The following TLN2 variants were observed in gnomAD, a reference collection of about 807,000 sequenced individuals.
The protein encoded by TLN2 is talin 2.
A neutral mutation model predicts 294.7 loss-of-function variants in TLN2; 118 were observed. The observed-to-expected ratio is 0.40, with a 90% confidence interval of 0.34 to 0.47. The LOEUF is 0.47. Among genes scored for constraint, TLN2 ranks in the 20% least tolerant of loss-of-function variants. The pLI is 0.84. For synonymous variants in TLN2, 1,431 were observed against 1,304.5 expected (o/e 1.10, Z -2.09); for missense variants, 3,083 against 3,282.2 (o/e 0.94, Z 1.48).
intron 4 of TLN2, 123 bp from the exon 5 acceptor site, chr15:62,649,961 A>G (rs1184454818): frequency 6.5e-6 from 6 of 918,568 alleles, no homozygotes; most frequent in Non-Finnish European, 1.0e-5. Flanking sequence ...TCAAAACGAA[A>G]CATTGCTGTC....
At chr15:62,454,306 G>A (rs2036332586) in intron 1 of TLN2, among the ~76,000 whole-genome samples, 1 of 152,070 alleles carries the variant, frequency 6.6e-6, no homozygotes, top group Non-Finnish European at 1.5e-5. Context: ...AGGTGAGGGG[G>A]CACTTCGGGA....
chr15:62,617,815 G>C (rs949524856), intron 2 of TLN2, among the ~76,000 whole-genome samples: 3 of 152,196 alleles, frequency 2.0e-5, no homozygotes, highest in African/African-American at 7.2e-5. Flanking sequence ...TTCACCTTCT[G>C]ATATTTAGGA....
chr15:62,722,397 C>A lies in TLN2; in HGVS notation c.3036C>A (p.Thr1012=). The part of the protein sequence containing the change: ...MVSSAKAAVP[T]VSDQAAAMQL... ...CCTCTGCCAAAGCCGCAGTGCCCACCGTGAGTGACCAGGCCGCAGCCATGC... is the reference window on the plus strand; with the variant it reads ...CCTCTGCCAAAGCCGCAGTGCCCACAGTGAGTGACCAGGCCGCAGCCATGC... Residue 1012 remains threonine (T), a synonymous_variant, in exon 26 of 59, where the codon ACC becomes ACA. Transcript: ENST00000636159. The A allele has an allele frequency of 6.2e-7, 1 of 1,613,404 alleles. No homozygotes were observed. Among genetic ancestry groups the A allele is most frequent in the Non-Finnish European group, 8.5e-7 (1 of 1,179,578 alleles).
At chr15:62,502,960 G>C (rs1268521899) in intron 1 of TLN2, among the ~76,000 whole-genome samples, 3 of 152,144 alleles carry the variant, frequency 2.0e-5, no homozygotes, top group Admixed American at 6.5e-5. Context: ...AAGCCTGCAA[G>C]AGTTGACTTC....
intron 1 of TLN2, among the ~76,000 whole-genome samples, chr15:62,428,483 C>T (rs2034836950): frequency 6.6e-6 from 1 of 152,214 alleles, no homozygotes; most frequent in African/African-American, 2.4e-5. Flanking sequence ...GGATTGTAAA[C>T]TTGGTTCAAG....
At chr15:62,425,153 G>T (rs565198847) in intron 1 of TLN2, among the ~76,000 whole-genome samples, 20 of 151,962 alleles carry the variant, frequency 1.3e-4, no homozygotes, top group Non-Finnish European at 2.6e-4. Flanking sequence ...GGGTTATGCT[G>T]TGTTGGCCAG....
At chr15:62,764,313 C>A (rs2062858400) in intron 40 of TLN2, among the ~76,000 whole-genome samples, 2 of 152,064 alleles carry the variant, frequency 1.3e-5, no homozygotes, top group Admixed American at 1.3e-4. Flanking sequence ...CTGATTTTTA[C>A]TTCTATCTCT....
chr15:62,454,362 AG>A (rs1252845194), intron 1 of TLN2, among the ~76,000 whole-genome samples: 5 of 152,196 alleles, frequency 3.3e-5, no homozygotes, highest in Admixed American at 3.3e-4. Context: ...CAGGGAGGCC[AG>A]GCCCTGACAT....
chr15:62,566,341 T>C (rs896563918), intron 1 of TLN2, among the ~76,000 whole-genome samples: 2 of 152,042 alleles, frequency 1.3e-5, no homozygotes, highest in East Asian at 3.9e-4. Context: ...ACTGGGATTA[T>C]AGGAGTGACT....
chr15:62,420,783 T>C (rs2034346494), intron 1 of TLN2, among the ~76,000 whole-genome samples: 1 of 152,134 alleles, frequency 6.6e-6, no homozygotes, highest in African/African-American at 2.4e-5. Flanking sequence ...TAAACAAACT[T>C]TACTGTGGGT....
At chr15:62,830,401 G>A (rs1278778656) in intron 54 of TLN2, 1 of 152,480 alleles carries the variant, frequency 6.6e-6, no homozygotes, top group African/African-American at 2.4e-5. Context: ...GCTGCAGTGG[G>A]GACTGTTCCA....
intron 1 of TLN2, among the ~76,000 whole-genome samples, chr15:62,475,290 C>G (rs553789404): frequency 2.2e-4 from 34 of 152,232 alleles, no homozygotes; most frequent in South Asian, 1.0e-3. Context: ...CAGTTCTGTT[C>G]CAAAAGTGTA....
At position 62,707,211 on chromosome 15, in the gene TLN2, C is replaced by A. The variant is rs776655147; in HGVS notation, c.2130C>A (p.Thr710=). ...VLQNRVIAAA[T]QCALSTSQLV... ...AGAACAGGGTAATTGCTGCTGCCACCCAGTGTGCCCTCTCCACCTCCCAGC... is the reference window on the plus strand; with the variant it reads ...AGAACAGGGTAATTGCTGCTGCCACACAGTGTGCCCTCTCCACCTCCCAGC... Residue 710 remains threonine, a synonymous_variant, in exon 20 of 59, where the codon ACC becomes ACA. Coordinates refer to ENST00000636159, the MANE Select transcript of TLN2 (RefSeq NM_015059.3). 5 of 1,613,754 alleles carry A rather than the reference C, an allele frequency of 3.1e-6. No individual in the cohort carries two copies. In the South Asian group the frequency reaches 5.5e-5, roughly 18 times the overall value.
intron 1 of TLN2, among the ~76,000 whole-genome samples, chr15:62,458,278 C>G (rs1369141835): frequency 3.3e-5 from 5 of 152,092 alleles, no homozygotes; most frequent in Non-Finnish European, 7.4e-5. Context: ...CAGGCGGGGT[C>G]ACTCCTCCAC....
At position 62,610,795 on chromosome 15, in the gene TLN2, A is replaced by T. The variant is rs186506286; in HGVS notation, c.-161-7556A>T. Among the ~76,000 whole-genome samples, 2 of 152,306 alleles carry T rather than the reference A, an allele frequency of 1.3e-5. 1 individual carries two copies. Among genetic ancestry groups the T allele is most frequent in the African/African-American group, 4.8e-5 (2 of 41,570 alleles). On this transcript the variant is annotated intron_variant, in intron 2 of 58. Transcript: ENST00000636159. Reference sequence around the variant, plus strand: ...GATTTTGGGGTCACAAGTAAATTTTAACATGTGGATTTGCAAATACAGGCT... The same window carrying T: ...GATTTTGGGGTCACAAGTAAATTTTTACATGTGGATTTGCAAATACAGGCT...
At chr15:62,786,037 C>T (rs1027539391) in intron 45 of TLN2, among the ~76,000 whole-genome samples, 16 of 152,252 alleles carry the variant, frequency 1.1e-4, no homozygotes, top group South Asian at 2.1e-4. Flanking sequence ...ATTCCAGACA[C>T]GAGAGCAGTG....
At chr15:62,425,291 G>A (rs961654103) in intron 1 of TLN2, among the ~76,000 whole-genome samples, 2 of 151,722 alleles carry the variant, frequency 1.3e-5, no homozygotes, top group Admixed American at 6.6e-5. Flanking sequence ...ATTCTAATGT[G>A]CTGCTGCTAG....
intron 57 of TLN2, among the ~76,000 whole-genome samples, chr15:62,836,700 A>C (rs1465486306): frequency 6.6e-6 from 1 of 152,218 alleles, no homozygotes; most frequent in East Asian, 1.9e-4. Flanking sequence ...TGATTGCTTT[A>C]ATTATAAAAA....
At chr15:62,582,223 CA>C (rs2140696058) in intron 1 of TLN2, among the ~76,000 whole-genome samples, 2 of 144,184 alleles carry the variant, frequency 1.4e-5, no homozygotes, top group East Asian at 4.3e-4. Context: ...CACACACACA[CA>C]CACACACACA....
Sources: gnomAD v4.1 joint callset for allele counts (sites outside exome capture counted in the v4.1 genomes callset) on GRCh38, gnomAD v4.1.1 for gene constraint, MANE v1.5 for transcripts, NCBI Gene and HGNC (gene_info 2026-07-23, HGNC 2026-07-21) for gene names.